Variants in DNAH7 observed in about 807,000 individuals in gnomAD.
DNAH7 encodes the protein axonemal beta dynein heavy chain 7.
DNAH7 carries 397 observed loss-of-function variants against 444.6 expected under a neutral mutation model. That is an observed-to-expected ratio of 0.89 (90% CI 0.82 to 0.97). The LOEUF is 0.97. DNAH7 is among the 50% of genes least tolerant of loss of function. The probability of loss-of-function intolerance (pLI) is 0.00; values close to 1 mark genes in which losing one functional copy is unlikely to be tolerated. For synonymous variants in DNAH7, 1,636 were observed against 1,624.4 expected (o/e 1.01, Z -0.17); for missense variants, 4,902 against 4,800.8 (o/e 1.02, Z -0.62).
intron 6 of DNAH7, among the ~76,000 whole-genome samples, chr2:196,027,407 CTATTGTGTGTGTTCATAAAA>C: frequency 6.6e-6 from 1 of 151,902 alleles, no homozygotes; most frequent in East Asian, 1.9e-4. Flanking sequence ...TTTATAGCTG[CTATTGTGTGTGTTCATAAAA>C]TATTCATTTT....
chr2:195,919,459 C>T (rs1393020095), intron 24 of DNAH7, among the ~76,000 whole-genome samples: 1 of 151,956 alleles, frequency 6.6e-6, no homozygotes, highest in African/African-American at 2.4e-5. Context: ...ATTCTTCTAC[C>T]TCAGCCTCCT....
chr2:195,900,987 G>T (rs1373175745), intron 27 of DNAH7: 2 of 151,952 alleles, frequency 1.3e-5, no homozygotes, highest in Non-Finnish European at 2.9e-5. Flanking sequence ...AGAGGTTAGG[G>T]AATTAAATAA....
At chr2:195,743,300 C>T (rs1214679827) in intron 63 of DNAH7, among the ~76,000 whole-genome samples, 3 of 152,186 alleles carry the variant, frequency 2.0e-5, no homozygotes, top group Non-Finnish European at 2.9e-5. Context: ...GACGGCTTAT[C>T]GTGGGACTTT....
chr2:195,838,169 A>T (rs934577776), intron 47 of DNAH7, among the ~76,000 whole-genome samples: 1 of 152,152 alleles, frequency 6.6e-6, no homozygotes, highest in South Asian at 2.1e-4. Flanking sequence ...ACATTGCAAC[A>T]TCACCCACAG....
At chr2:195,794,232 A>G (rs1696027887) in intron 57 of DNAH7, 106 bp downstream of exon 57, 1 of 926,456 alleles carries the variant, frequency 1.1e-6, no homozygotes. Flanking sequence ...GCGGTGCAGG[A>G]GGCCTATTTA....
At chr2:195,824,106 G>T in intron 49 of DNAH7, 149 bp downstream of exon 49, 1 of 652,406 alleles carries the variant, frequency 1.5e-6, no homozygotes, top group Non-Finnish European at 2.4e-6. Flanking sequence ...TGCAACATTT[G>T]GAAATTATTA....
rs776091940 is a variant in DNAH7, at chr2:195,884,739, T to A, written c.5609A>T (p.Asn1870Ile). The A allele has an allele frequency of 1.9e-6, 3 of 1,614,166 alleles. No homozygotes were observed. The South Asian group carries it at 3.3e-5, about 18-fold the overall frequency. ...TTCCATTAGTTCTCGAAGAATCTTA[T>A]TAAATTTCAATCGATCATCATCTGT... Reference protein sequence around the residue: ...SCTDDDRLKFNKILRELMESP... With the variant: ...SCTDDDRLKFIKILRELMESP... Residue 1870 changes from asparagine to isoleucine, a missense_variant, in exon 35 of 65, where the codon AAT (asparagine) becomes ATT (isoleucine). Asn to Ile is a moderately radical substitution (Grantham distance 149). Transcript: ENST00000312428.
At chr2:195,955,026 T>G (rs1173608734) in intron 19 of DNAH7, among the ~76,000 whole-genome samples, 1 of 152,260 alleles carries the variant, frequency 6.6e-6, no homozygotes, top group African/African-American at 2.4e-5. Flanking sequence ...CTCTTTAGTT[T>G]AATTATACCC....
Position 195,853,532 on chromosome 2 carries a change from G to C in DNAH7, c.8596-4C>G. On this transcript the variant is annotated splice_region_variant and splice_polypyrimidine_tract_variant and intron_variant, in intron 45 of 64. Transcript: ENST00000312428. Reference sequence around the variant, plus strand: ...GTTTTTTGCTGCAAAGGTCAACCTCGAAAATAAAAGTGAGCTTTTATCAAC... The same window carrying C: ...GTTTTTTGCTGCAAAGGTCAACCTCCAAAATAAAAGTGAGCTTTTATCAAC... The C allele has an allele frequency of 6.2e-7, 1 of 1,602,484 alleles. No homozygotes were observed. Among genetic ancestry groups the C allele is most frequent in the African/African-American group, 1.3e-5 (1 of 74,500 alleles).
intron 31 of DNAH7, among the ~76,000 whole-genome samples, chr2:195,889,921 T>C (rs2125218274): frequency 6.6e-6 from 1 of 152,310 alleles, no homozygotes; most frequent in African/African-American, 2.4e-5. Context: ...TATGAAAATA[T>C]TTATACATTG....
intron 63 of DNAH7, among the ~76,000 whole-genome samples, chr2:195,750,516 A>G (rs981484952): frequency 1.3e-5 from 2 of 152,246 alleles, no homozygotes; most frequent in African/African-American, 4.8e-5. Context: ...AGAATTAACC[A>G]TAACTCCTTT....
intron 48 of DNAH7, among the ~76,000 whole-genome samples, chr2:195,831,386 C>T (rs747483707): frequency 1.2e-4 from 18 of 152,164 alleles, no homozygotes; most frequent in Non-Finnish European, 2.5e-4. Flanking sequence ...AGGCAGCTGA[C>T]GCAGGCAAAA....
intron 3 of DNAH7, among the ~76,000 whole-genome samples, chr2:196,048,733 G>C (rs143297457): frequency 1.6e-4 from 25 of 152,278 alleles, no homozygotes; most frequent in African/African-American, 5.8e-4. Context: ...CTCTCTGCTG[G>C]TCTCCTCTGC....
At chr2:195,866,365 T>C (rs1700343584) in intron 40 of DNAH7, among the ~76,000 whole-genome samples, 1 of 152,134 alleles carries the variant, frequency 6.6e-6, no homozygotes, top group African/African-American at 2.4e-5. Flanking sequence ...TCACTAATAG[T>C]GTCTGCATAA....
intron 17 of DNAH7, among the ~76,000 whole-genome samples, chr2:195,969,426 T>C (rs905571390): frequency 1.3e-5 from 2 of 152,236 alleles, no homozygotes; most frequent in Non-Finnish European, 1.5e-5. Flanking sequence ...AAATATCTTA[T>C]ATGGCAAAGG....
intron 19 of DNAH7, among the ~76,000 whole-genome samples, chr2:195,951,961 G>A (rs1163545842): frequency 6.6e-6 from 1 of 152,110 alleles, no homozygotes; most frequent in Non-Finnish European, 1.5e-5. Context: ...GTGTGAATTT[G>A]ATCCTGTCAT....
At chr2:196,031,478 T>C (rs1242397405) in intron 5 of DNAH7, among the ~76,000 whole-genome samples, 2 of 152,242 alleles carry the variant, frequency 1.3e-5, no homozygotes, top group African/African-American at 4.8e-5. Flanking sequence ...TGGCTTTAAT[T>C]TCTCCTCTGA....
intron 24 of DNAH7, among the ~76,000 whole-genome samples, chr2:195,920,094 C>T (rs908175459): frequency 1.3e-5 from 2 of 151,980 alleles, no homozygotes; most frequent in Admixed American, 6.6e-5. Flanking sequence ...TGTTTCTAGC[C>T]CATTCTCATG....
At chr2:196,044,455 G>A (rs997902558) in intron 5 of DNAH7, among the ~76,000 whole-genome samples, 29 of 150,630 alleles carry the variant, frequency 1.9e-4, no homozygotes, top group Non-Finnish European at 3.2e-4. Context: ...AAGGGTGCAG[G>A]GGGGTGAGGG....
Sources: allele counts gnomAD v4.1 joint callset (sites outside exome capture counted in the v4.1 genomes callset), GRCh38; gene constraint gnomAD v4.1.1; transcripts MANE v1.5; gene names NCBI Gene and HGNC (gene_info 2026-07-23, HGNC 2026-07-21).